MOK: variants seen among roughly 807,000 people sequenced by gnomAD.
The protein encoded by MOK is MOK protein kinase.
Under a neutral mutation model 54.2 loss-of-function variants are expected in MOK, and 59 were observed. That is an observed-to-expected ratio of 1.09 (90% CI 0.88 to 1.35). The LOEUF (loss-of-function observed/expected upper bound fraction) is 1.35, where lower values mean the gene tolerates loss of function less well. Ranked by LOEUF, MOK falls within the 40% of genes most tolerant of loss-of-function variation. The pLI is 0.00. For synonymous variants in MOK, 210 were observed against 202.7 expected, an observed-to-expected ratio of 1.04 and a Z score of -0.31; for missense variants, 517 against 526.2, an observed-to-expected ratio of 0.98 and a Z score of 0.17.
At chr14:102,223,892 C>T (rs1214272945), downstream of MOK, among the ~76,000 whole-genome samples, 1 of 152,192 alleles carries the variant, frequency 6.6e-6, no homozygotes, top group Admixed American at 6.5e-5. Flanking sequence ...GGCAGCTGCA[C>T]GTCTGCACAG....
At chr14:102,266,732 G>A (rs1272291672) in intron 2 of MOK, among the ~76,000 whole-genome samples, 2 of 151,962 alleles carry the variant, frequency 1.3e-5, no homozygotes, top group East Asian at 1.9e-4. Flanking sequence ...ATAGGCACCC[G>A]CCACCATGCC....
At chr14:102,280,628 A>C (rs1435551429) in intron 2 of MOK, 1 of 152,244 alleles carries the variant, frequency 6.6e-6, no homozygotes, top group Non-Finnish European at 1.5e-5. Flanking sequence ...CATCCACTGC[A>C]CATTTGCCAT....
At chr14:102,242,824 C>T (rs2065820309) in intron 7 of MOK, among the ~76,000 whole-genome samples, 1 of 152,186 alleles carries the variant, frequency 6.6e-6, no homozygotes, top group African/African-American at 2.4e-5. Context: ...ATCCTCAATA[C>T]CTCCCTCCAC....
At chr14:102,291,004 G>C (rs1449752434) in intron 1 of MOK, among the ~76,000 whole-genome samples, 1 of 152,080 alleles carries the variant, frequency 6.6e-6, no homozygotes, top group East Asian at 1.9e-4. Context: ...AGTTTTCCCT[G>C]AATAAAAGAG....
At chr14:102,286,912 AAATAAT>A (rs56108099) in intron 1 of MOK, among the ~76,000 whole-genome samples, 8,102 of 145,462 alleles carry the variant, frequency 0.056, 294 homozygotes, top group African/African-American at 0.11. Context: ...TCCGTCTCAA[AAATAAT>A]AATAATAATA....
At chr14:102,276,406 G>A (rs543585385) in intron 2 of MOK, among the ~76,000 whole-genome samples, 58 of 151,992 alleles carry the variant, frequency 3.8e-4, no homozygotes, top group African/African-American at 1.3e-3. Context: ...AGAGAATGGC[G>A]TGAACCCAGG....
chr14:102,301,737 G>A (rs1183056624), intron 1 of MOK, among the ~76,000 whole-genome samples: 4 of 152,120 alleles, frequency 2.6e-5, no homozygotes, highest in African/African-American at 9.7e-5. Flanking sequence ...ACATTTTAAG[G>A]TAGAAGGAAG....
chr14:102,281,040 T>A (rs1172342712), intron 2 of MOK, among the ~76,000 whole-genome samples: 1 of 151,888 alleles, frequency 6.6e-6, no homozygotes, highest in Non-Finnish European at 1.5e-5. Context: ...ATACAAAAAT[T>A]AGGCTGGGCA....
chr14:102,283,441 A>C (rs772231765), intron 2 of MOK, 37 bp downstream of exon 2: 16 of 1,363,502 alleles, frequency 1.2e-5, no homozygotes, highest in Non-Finnish European at 1.6e-5. Flanking sequence ...TGAAACTTGG[A>C]TCTGTGTTTG....
At chr14:102,275,302 C>G (rs569727911) in intron 2 of MOK, among the ~76,000 whole-genome samples, 2 of 152,188 alleles carry the variant, frequency 1.3e-5, no homozygotes, top group Non-Finnish European at 2.9e-5. Flanking sequence ...CGGCGGCTCA[C>G]GCCTGTAATC....
the MOK span, chr14:102,214,757 G>A: frequency 1.0e-6 from 1 of 978,938 alleles, no homozygotes. Context: ...TTCATAAAGA[G>A]CCTTCCTAAC....
chr14:102,299,227 C>T (rs1488304141), intron 1 of MOK, among the ~76,000 whole-genome samples: 2 of 152,150 alleles, frequency 1.3e-5, no homozygotes, highest in Non-Finnish European at 2.9e-5. Flanking sequence ...TAAAAATTCT[C>T]TCTGGGCCGG....
intron 2 of MOK, among the ~76,000 whole-genome samples, chr14:102,266,321 T>G (rs891137707): frequency 2.6e-5 from 4 of 152,062 alleles, no homozygotes; most frequent in Non-Finnish European, 5.9e-5. Context: ...TTTTTTTTGT[T>G]TTTGAGACAA....
At chr14:102,222,998 C>T (rs182992384), downstream of MOK, 85 of 1,259,746 alleles carry the variant, frequency 6.7e-5, 2 homozygotes, top group South Asian at 6.9e-4. The surrounding 1 kb of genome is among the most constrained non-coding windows in gnomAD (Gnocchi z 4.4). Context: ...CGGTGGACGT[C>T]GGCGATAGCC....
In MOK at chr14:102,305,164, T is replaced by C; in HGVS notation, c.-196A>G. ...TGTCACCCTAGCAACCGTCAGGCCCTGAACGCCATGAGCTGTCGCCTGCGC... is the reference window on the plus strand; with the variant it reads ...TGTCACCCTAGCAACCGTCAGGCCCCGAACGCCATGAGCTGTCGCCTGCGC... On this transcript the variant is annotated 5_prime_UTR_variant, in exon 1 of 12. Transcript: ENST00000361847. The C allele has an allele frequency of 1.5e-6, 1 of 679,992 alleles. No individual in the cohort carries two copies. Among genetic ancestry groups the C allele is most frequent in the Non-Finnish European group, 2.6e-6 (1 of 383,402 alleles). The allele number at this position is 679,992 out of a possible 1,614,324, so 42.1% of individuals were successfully genotyped here. A position where few individuals can be genotyped will look rare whatever the true frequency, so the allele number is the denominator to read the frequency against.
chr14:102,279,284 C>CGTTGTTGTTGTTGTTGTTGTTGTT (rs71116892), intron 2 of MOK, among the ~76,000 whole-genome samples: 2 of 150,918 alleles, frequency 1.3e-5, no homozygotes, highest in African/African-American at 4.9e-5. Flanking sequence ...GCAAGAGAAC[C>CGTTGTTGTTGTTGTTGTTGTTGTT]GTTGTTGTTG....
chr14:102,232,994 G>A lies in MOK; in HGVS notation c.693-286C>T, dbSNP rs1567135406. 1 of 255,044 alleles carries A rather than the reference G, an allele frequency of 3.9e-6. No homozygotes were observed. The highest frequency in any genetic ancestry group is 7.4e-6 in the Non-Finnish European group (1 of 135,826). 15.8% of individuals were successfully genotyped at this position (255,044 alleles called of 1,614,324 possible). ...TGTGCACATGGGGACAGGGCTCTATGGAAACCTAAAACTGCTCTTAAAAAA... is the reference window on the plus strand; with the variant it reads ...TGTGCACATGGGGACAGGGCTCTATAGAAACCTAAAACTGCTCTTAAAAAA... On this transcript the variant is annotated intron_variant, in intron 8 of 11. Transcript: ENST00000361847. This position sits in a 1 kb window ranked among gnomAD's most constrained non-coding sequence, Gnocchi z 5.1.
chr14:102,260,712 T>C (rs1303446466), intron 4 of MOK: 1 of 152,214 alleles, frequency 6.6e-6, no homozygotes, highest in African/African-American at 2.4e-5. Flanking sequence ...GGAGGTCTAC[T>C]GCGAGGTCTG....
At chr14:102,287,495 CTT>C (rs1218891688) in intron 1 of MOK, among the ~76,000 whole-genome samples, 1 of 152,114 alleles carries the variant, frequency 6.6e-6, no homozygotes, top group African/African-American at 2.4e-5. Flanking sequence ...TGATAAGAAA[CTT>C]ATATCTAGAA....
Sources: gnomAD v4.1 joint callset for allele counts (sites outside exome capture counted in the v4.1 genomes callset) on GRCh38, gnomAD v4.1.1 for gene constraint, Gnocchi (gnomAD v3.1) non-coding constraint, MANE v1.5 for transcripts, NCBI Gene and HGNC (gene_info 2026-07-23, HGNC 2026-07-21) for gene names.